Variants in CDC73 observed in about 807,000 individuals in gnomAD.
CDC73 encodes parafibromin.
CDC73 carries 21 observed loss-of-function variants against 83.7 expected under a neutral mutation model. The observed-to-expected ratio is 0.25, with a 90% CI of 0.18 to 0.36. CDC73 has a LOEUF of 0.36. Among genes scored for constraint, CDC73 ranks in the 10% least tolerant of loss-of-function variants. The pLI, the probability that CDC73 is intolerant of heterozygous loss-of-function variation, is 1.00. For missense variants in CDC73, 342 were observed against 653.3 expected (o/e 0.52, Z 5.19); for synonymous variants, 224 against 212.9 (o/e 1.05, Z -0.45).
chr1:193,159,706 A>G (rs1371190973), intron 10 of CDC73, among the ~76,000 whole-genome samples: 2 of 152,168 alleles, frequency 1.3e-5, no homozygotes, highest in Non-Finnish European at 2.9e-5. Flanking sequence ...AATTGTAGTT[A>G]TTGCATAAAT....
chr1:193,192,259 A>G (rs915808049), intron 10 of CDC73, among the ~76,000 whole-genome samples: 1 of 152,164 alleles, frequency 6.6e-6, no homozygotes, highest in African/African-American at 2.4e-5. Flanking sequence ...CCTGGCTGAC[A>G]TGGCAAAACC....
intron 9 of CDC73, among the ~76,000 whole-genome samples, chr1:193,150,663 G>GA (rs1572160494): frequency 6.6e-6 from 1 of 152,156 alleles, no homozygotes; most frequent in East Asian, 1.9e-4. Context: ...GCCCTTTACA[G>GA]AAAAAAAGTT....
intron 10 of CDC73, among the ~76,000 whole-genome samples, chr1:193,195,825 C>T (rs919995223): frequency 1.3e-5 from 2 of 152,098 alleles, no homozygotes; most frequent in African/African-American, 4.8e-5. Flanking sequence ...CTATTCAAAT[C>T]CTTTGCCCAT....
chr1:193,182,684 A>C (rs1251803156), intron 10 of CDC73, among the ~76,000 whole-genome samples: 2 of 152,180 alleles, frequency 1.3e-5, no homozygotes, highest in East Asian at 3.8e-4. Context: ...GATGGCATAT[A>C]TTAAGAACTG....
At chr1:193,231,494 CAA>C (rs1427645064) in intron 13 of CDC73, among the ~76,000 whole-genome samples, 1 of 152,050 alleles carries the variant, frequency 6.6e-6, no homozygotes, top group African/African-American at 2.4e-5. Flanking sequence ...CAATTTCAAA[CAA>C]TGCACACATA....
chr1:193,219,365 A>G (rs908161021), intron 13 of CDC73, among the ~76,000 whole-genome samples: 2 of 152,210 alleles, frequency 1.3e-5, no homozygotes, highest in Admixed American at 6.5e-5. Context: ...CAGAACTACC[A>G]TCTGACCCAG....
chr1:193,160,319 T>C (rs2103139759), intron 10 of CDC73, among the ~76,000 whole-genome samples: 1 of 152,236 alleles, frequency 6.6e-6, no homozygotes, highest in African/African-American at 2.4e-5. Context: ...TTACTAATAA[T>C]TTTTAGTAAT....
At chr1:193,193,797 G>A (rs1300120225) in intron 10 of CDC73, among the ~76,000 whole-genome samples, 1 of 149,580 alleles carries the variant, frequency 6.7e-6, no homozygotes, top group East Asian at 1.9e-4. Flanking sequence ...GTGTGTGTGT[G>A]TGTGTGTGTG....
At chr1:193,233,260 T>A (rs183821405) in intron 14 of CDC73, 106 bp downstream of exon 14, 2 of 1,016,924 alleles carry the variant, frequency 2.0e-6, no homozygotes, top group Admixed American at 3.6e-5. Context: ...GGGGTCTCAC[T>A]ATGTTGCCTA....
At chr1:193,207,229 C>T (rs1199162341) in intron 11 of CDC73, among the ~76,000 whole-genome samples, 6 of 152,072 alleles carry the variant, frequency 3.9e-5, no homozygotes, top group East Asian at 1.9e-4. Context: ...AAGGGGTATA[C>T]GAACAGGGAG....
chr1:193,179,480 T>A (rs1676673267), intron 10 of CDC73: 1 of 152,650 alleles, frequency 6.6e-6, no homozygotes, highest in African/African-American at 2.4e-5. Context: ...TAAATGGTGG[T>A]GCTGTTTAAG....
chr1:193,217,281 C>T (rs1032610682), intron 13 of CDC73, among the ~76,000 whole-genome samples: 1 of 151,992 alleles, frequency 6.6e-6, no homozygotes, highest in East Asian at 1.9e-4. Flanking sequence ...TTTGGTTTAC[C>T]CTATAGGCGG....
At chr1:193,163,241 C>G (rs774672811) in intron 10 of CDC73, among the ~76,000 whole-genome samples, 2 of 151,554 alleles carry the variant, frequency 1.3e-5, no homozygotes, top group Non-Finnish European at 2.9e-5. Context: ...CGCAGTGGCT[C>G]ATGCCTGTAA....
chr1:193,207,525 C>T (rs1028856412), intron 11 of CDC73, among the ~76,000 whole-genome samples: 3 of 152,102 alleles, frequency 2.0e-5, no homozygotes, highest in Non-Finnish European at 4.4e-5. Flanking sequence ...TTATAGACCT[C>T]CCCCCAGAAA....
chr1:193,126,534 C>T (rs187307187), intron 2 of CDC73, among the ~76,000 whole-genome samples: 2 of 152,152 alleles, frequency 1.3e-5, no homozygotes, highest in Admixed American at 1.3e-4. Context: ...TACTATAATG[C>T]CCACATAAAA....
chr1:193,144,768 AT>A (rs1028328380), intron 7 of CDC73, among the ~76,000 whole-genome samples: 4 of 150,796 alleles, frequency 2.7e-5, no homozygotes, highest in Admixed American at 6.6e-5. Context: ...CTGAATCAAC[AT>A]TTTTTTATTT....
chr1:193,211,086 A>G (rs1677270507), intron 11 of CDC73, among the ~76,000 whole-genome samples: 1 of 152,160 alleles, frequency 6.6e-6, no homozygotes, highest in Non-Finnish European at 1.5e-5. Flanking sequence ...CTGAACATCC[A>G]TGAATGTAAG....
At chr1:193,131,469 A>G (rs1384796251) in intron 3 of CDC73, among the ~76,000 whole-genome samples, 2 of 152,090 alleles carry the variant, frequency 1.3e-5, no homozygotes, top group African/African-American at 2.4e-5. Flanking sequence ...TTTATTTCCT[A>G]TAGTGTAGTC....
chr1:193,130,920 C>T (rs1418643257), intron 3 of CDC73, among the ~76,000 whole-genome samples: 5 of 152,180 alleles, frequency 3.3e-5, no homozygotes, highest in Non-Finnish European at 5.9e-5. Flanking sequence ...GTTCACCTCT[C>T]AGTTTATTTT....
Sources: gnomAD v4.1 joint callset for allele counts (sites outside exome capture counted in the v4.1 genomes callset) on GRCh38, gnomAD v4.1.1 for gene constraint, MANE v1.5 for transcripts, NCBI Gene and HGNC (gene_info 2026-07-23, HGNC 2026-07-21) for gene names.